ZP3: variants seen among roughly 807,000 people sequenced by gnomAD.
ZP3 encodes zona pellucida sperm-binding protein 3.
ZP3 carries 21 observed loss-of-function variants against 35.6 expected under a neutral mutation model. The ratio of observed to expected loss-of-function variants is 0.59; its 90% CI spans 0.42 to 0.85. ZP3 has a LOEUF of 0.85. Ranked by LOEUF, ZP3 falls within the 40% of genes least tolerant of loss-of-function variation. The probability of loss-of-function intolerance (pLI) is 0.00; values close to 1 mark genes in which losing one functional copy is unlikely to be tolerated. For missense variants in ZP3, 437 were observed against 536.5 expected (o/e 0.81, Z 1.83); for synonymous variants, 207 against 214.5 (o/e 0.96, Z 0.31).
intron 5 of ZP3, among the ~76,000 whole-genome samples, chr7:76,439,296 A>G (rs1249486728): frequency 1.4e-5 from 2 of 147,968 alleles, no homozygotes; most frequent in African/African-American, 5.3e-5. Flanking sequence ...GTAGCTTGTC[A>G]ACTAGTCAAG....
In ZP3 at chr7:76,398,409, A is replaced by G. The variant is rs1275550301; in HGVS notation, c.-67+612A>G. On this transcript the variant is annotated intron_variant, in intron 1 of 8. Coordinates refer to the ZP3 transcript ENST00000336517. Reference sequence around the variant, plus strand: ...AACCTCTGCCTCCCGGGTTCAAGTGATCCCCCTGCCTCAGCCTCCCAAGTA... The same window carrying G: ...AACCTCTGCCTCCCGGGTTCAAGTGGTCCCCCTGCCTCAGCCTCCCAAGTA... 1.6e-4 allele frequency among the ~76,000 whole-genome samples: 24 copies of G among 149,638 alleles called. No individual in the cohort carries two copies. In the Admixed American group the frequency reaches 1.6e-3, roughly 10 times the overall value.
chr7:76,435,998 A>G (rs761123456), intron 5 of ZP3, among the ~76,000 whole-genome samples: 2 of 130,756 alleles, frequency 1.5e-5, no homozygotes, highest in African/African-American at 5.6e-5. Context: ...TGCTGGGATT[A>G]TAGGCATGAA....
upstream of ZP3, among the ~76,000 whole-genome samples, chr7:76,423,079 GAAAGA>G (rs1373097013): frequency 1.6e-3 from 224 of 138,572 alleles, 6 homozygotes; most frequent in South Asian, 7.8e-3. Context: ...AAGAAAGAAA[GAAAGA>G]AAAGAAATTG....
intron 1 of ZP3, among the ~76,000 whole-genome samples, chr7:76,413,091 T>C (rs1488846354): frequency 1.3e-5 from 2 of 151,190 alleles, no homozygotes; most frequent in African/African-American, 4.9e-5. Flanking sequence ...GCCTCCCAAG[T>C]AGCTGGGACT....
rs779295502 is a variant in ZP3, at chr7:76,440,318, T to C, written c.900T>C (p.Cys300=). 3 of 1,608,936 alleles carry C rather than the reference T, an allele frequency of 1.9e-6. No individual in the cohort carries two copies. Among genetic ancestry groups the C allele is most frequent in the African/African-American group, 1.3e-5 (1 of 74,524 alleles). The change falls in exon 6 of 8, where the codon TGT becomes TGC. Residue 300 remains cysteine (C), a synonymous_variant. Transcript: ENST00000394857. ...ACCCAGATGAACTCAACAAGGCCTG[T>C]TCCTTCAGCAAGCCTTCCAACAGGT... ...EQDPDELNKA[C]SFSKPSNSWF... is the part of the protein sequence containing the mutation.
chr7:76,420,270 G>A (rs1805476461), upstream of ZP3, among the ~76,000 whole-genome samples: 3 of 152,060 alleles, frequency 2.0e-5, no homozygotes, highest in Middle Eastern at 3.4e-3. Context: ...TCCTGCTTCG[G>A]CCTCCCAAAA....
chr7:76,419,464 A>G (rs1244739807), intron 1 of ZP3, among the ~76,000 whole-genome samples: 3 of 152,108 alleles, frequency 2.0e-5, no homozygotes, highest in Admixed American at 6.6e-5. Context: ...GTTTCCACAT[A>G]TGCACGTGGC....
chr7:76,430,569 C>A (rs1239584447), intron 2 of ZP3, among the ~76,000 whole-genome samples: 1 of 152,082 alleles, frequency 6.6e-6, no homozygotes, highest in Admixed American at 6.6e-5. Flanking sequence ...CCCATCTCTA[C>A]TAAAAACACA....
chr7:76,429,221 GA>G, intron 1 of ZP3: 1 of 357,522 alleles, frequency 2.8e-6, no homozygotes, highest in Non-Finnish European at 5.4e-6. Context: ...TAAAGATTCC[GA>G]GGTACAAAGA....
At chr7:76,415,652 A>C (rs62476846) in intron 1 of ZP3, among the ~76,000 whole-genome samples, 89,133 of 149,344 alleles carry the variant, frequency 0.6, 27,591 homozygotes, top group African/African-American at 0.77. Flanking sequence ...CGCCACCACA[A>C]CCGGCTAATT....
intron 5 of ZP3, among the ~76,000 whole-genome samples, chr7:76,435,444 C>A (rs572424629): frequency 6.6e-6 from 1 of 152,380 alleles, no homozygotes; most frequent in Admixed American, 6.5e-5. Context: ...CGTGAGCCAC[C>A]ATGCCCAGCC....
intron 1 of ZP3, among the ~76,000 whole-genome samples, chr7:76,416,691 C>T (rs937752750): frequency 1.3e-5 from 2 of 151,640 alleles, no homozygotes; most frequent in Non-Finnish European, 2.9e-5. Flanking sequence ...CCCAACTACT[C>T]AAGAGGCTGA....
exon 1 of ZP3, chr7:76,397,542 C>T (rs777855682): frequency 3.2e-6 from 5 of 1,586,604 alleles, no homozygotes; most frequent in African/African-American, 2.7e-5. Context: ...CCCGCGTCCT[C>T]GTGGTGGCCG....
chr7:76,440,602 C>G lies in ZP3; in HGVS notation c.1051C>G (p.Arg351Gly). Residue 351 changes from arginine to glycine, a missense_variant, in exon 7 of 8, where the codon CGC becomes GGC. Transcript: ENST00000394857. ...SQWSRSASRN[R>G]RHVTEEADVT... ...GTGGTCCAGGTCTGCTTCCCGTAAC[C>G]GCAGGCATGGTATGTCACAGAATGG... 1 of 1,612,484 alleles carries G rather than the reference C, an allele frequency of 6.2e-7. No individual in the cohort carries two copies. Among genetic ancestry groups the G allele is most frequent in the Non-Finnish European group, 8.5e-7 (1 of 1,178,862 alleles).
chr7:76,405,813 C>G (rs1805007315), intron 1 of ZP3, among the ~76,000 whole-genome samples: 1 of 151,938 alleles, frequency 6.6e-6, no homozygotes, highest in Non-Finnish European at 1.5e-5. Context: ...TTGGCTCGGC[C>G]CAAACCATGA....
upstream of ZP3, among the ~76,000 whole-genome samples, chr7:76,423,070 A>AGAAC (rs1805560957): frequency 6.7e-6 from 1 of 148,480 alleles, no homozygotes; most frequent in Non-Finnish European, 1.5e-5. Context: ...AAAGAAAGAA[A>AGAAC]GAAAGAAAGA....
chr7:76,418,136 C>T (rs958902405), intron 1 of ZP3, among the ~76,000 whole-genome samples: 15 of 151,238 alleles, frequency 9.9e-5, no homozygotes, highest in African/African-American at 3.4e-4. Flanking sequence ...GACAGGATTT[C>T]GCCATGTTGC....
At chr7:76,419,946 C>T (rs528352047) in intron 1 of ZP3, among the ~76,000 whole-genome samples, 21 of 152,036 alleles carry the variant, frequency 1.4e-4, no homozygotes, top group Admixed American at 8.5e-4. Context: ...GGATTACAGG[C>T]GCGCGACACC....
At position 76,430,563 on chromosome 7, in the gene ZP3, T is replaced by C. The variant is rs58499641; in HGVS notation, c.431+930T>C. On this transcript the variant is annotated intron_variant, in intron 2 of 7. Transcript: ENST00000394857. The stretch of plus-strand genomic sequence containing the variant: ...AGCCTGGCCAACATGGTGAAACCCA[T>C]CTCTACTAAAAACACAAAAAAATTA... Among the ~76,000 whole-genome samples the C allele has an allele frequency of 9.7e-3, 1,470 of 152,150 alleles. 25 individuals are homozygous for C. Among genetic ancestry groups the C allele is most frequent in the African/African-American group, 0.034 (1,418 of 41,514 alleles).
Sources: allele counts gnomAD v4.1 joint callset (sites outside exome capture counted in the v4.1 genomes callset), GRCh38; gene constraint gnomAD v4.1.1; transcripts MANE v1.5; gene names NCBI Gene and HGNC (gene_info 2026-07-23, HGNC 2026-07-21).